Variants in PRKACA observed in about 807,000 individuals in gnomAD.
PRKACA encodes the protein cAMP-dependent protein kinase catalytic subunit alpha.
PRKACA carries 9 observed loss-of-function variants against 45.8 expected under a neutral mutation model. That is an observed-to-expected ratio of 0.20 (90% confidence interval 0.12 to 0.34). The LOEUF is 0.34. Ranked by LOEUF, PRKACA falls within the 10% of genes least tolerant of loss-of-function variation. PRKACA has a pLI of 1.00. For synonymous variants in PRKACA, 160 were observed against 178.6 expected (o/e 0.90, Z 0.83); for missense variants, 238 against 458.6 (o/e 0.52, Z 4.39).
Position 14,097,313 on chromosome 19 carries a change from G to C in PRKACA, c.765+48C>G, listed in dbSNP as rs1977287933. 6.2e-7 allele frequency: 1 copy of C among 1,612,878 alleles called. No homozygotes were observed. Among genetic ancestry groups the C allele is most frequent in the Non-Finnish European group, 8.5e-7 (1 of 1,179,204 alleles). The stretch of plus-strand genomic sequence containing the variant: ...CCCAGGGAATAGGATGGGTGAGCAG[G>C]GAACGGTCTGTTTCTTCCAGGGCTG... On this transcript the variant is annotated intron_variant, in intron 8 of 9. Coordinates refer to ENST00000308677, the MANE Select transcript of PRKACA (RefSeq NM_002730.4). The surrounding 1 kb of genome is among the most constrained non-coding windows in gnomAD (Gnocchi z 5.4).
At chr19:14,110,020 A>ACC (rs1966922843) in intron 1 of PRKACA, among the ~76,000 whole-genome samples, 1 of 128,700 alleles carries the variant, frequency 7.8e-6, no homozygotes, top group Non-Finnish European at 1.6e-5. Flanking sequence ...ACACACACAC[A>ACC]TAGGGAGAGC....
intron 1 of PRKACA, chr19:14,107,954 C>T: frequency 1.0e-6 from 1 of 986,944 alleles, no homozygotes; most frequent in Non-Finnish European, 1.2e-6. Flanking sequence ...GATGCCCACT[C>T]CTCGGCCCCA....
In PRKACA at chr19:14,117,529, C is replaced by G; in HGVS notation, c.19G>C (p.Ala7Pro). Reference sequence around the variant, plus strand: ...CTCTCCTGCTCGCTGCCCTTCTTGGCGGCGGCGGCGTTGCCCATCGCGGCG... The same window carrying G: ...CTCTCCTGCTCGCTGCCCTTCTTGGGGGCGGCGGCGTTGCCCATCGCGGCG... MGNAAA[A>P]KKGSEQESVK... Residue 7 changes from alanine to proline, a missense_variant, in exon 1 of 10, where the codon GCC (alanine) becomes CCC (proline). Ala to Pro is a conservative substitution (Grantham distance 27). Around this residue, in one of 3 missense-constraint regions of PRKACA, gnomAD observed 93 missense variants for 149.1 expected, o/e 0.62. Coordinates refer to ENST00000308677, the MANE Select transcript of PRKACA (RefSeq NM_002730.4). 4 of 1,223,960 alleles carry G rather than the reference C, an allele frequency of 3.3e-6. No individual in the cohort carries two copies. The highest frequency in any genetic ancestry group is 3.1e-6 in the Non-Finnish European group (3 of 979,494). The allele number at this position is 1,223,960 out of a possible 1,614,324, so 75.8% of individuals were successfully genotyped here. A position where few individuals can be genotyped will look rare whatever the true frequency, so the allele number is the denominator to read the frequency against.
chr19:14,107,967 G>A, intron 1 of PRKACA: 7 of 986,396 alleles, frequency 7.1e-6, no homozygotes, highest in Non-Finnish European at 7.2e-6. Context: ...CGGCCCCATG[G>A]TATCCCAAGG....
At chr19:14,113,979 C>A (rs1044107383) in intron 1 of PRKACA, among the ~76,000 whole-genome samples, 3 of 152,204 alleles carry the variant, frequency 2.0e-5, no homozygotes, top group Admixed American at 6.5e-5. Context: ...CCAGGCCGCA[C>A]AGCCCGGGGC....
chr19:14,104,860 C>T (rs568587766), intron 3 of PRKACA, among the ~76,000 whole-genome samples: 4 of 151,912 alleles, frequency 2.6e-5, no homozygotes, highest in East Asian at 1.9e-4. Flanking sequence ...GCAACAAGAG[C>T]GAAACTCCAT....
chr19:14,116,742 G>A (rs574272569), intron 1 of PRKACA, among the ~76,000 whole-genome samples: 1 of 152,174 alleles, frequency 6.6e-6, no homozygotes, highest in Non-Finnish European at 1.5e-5. Context: ...TGGAAGCACT[G>A]AAGCAATTCT....
At chr19:14,096,031 A>ATTTTTT (rs1977240515) in intron 8 of PRKACA, among the ~76,000 whole-genome samples, 1 of 108,922 alleles carries the variant, frequency 9.2e-6, no homozygotes, top group Non-Finnish European at 1.9e-5. Flanking sequence ...GCTAATTTTT[A>ATTTTTT]GTTTTTTTTT....
chr19:14,096,981 T>C (rs534630719), intron 8 of PRKACA: 2 of 345,986 alleles, frequency 5.8e-6, no homozygotes, highest in African/African-American at 4.3e-5. Flanking sequence ...TGGGTGAGGC[T>C]ATGGACAGCA....
intron 1 of PRKACA, among the ~76,000 whole-genome samples, chr19:14,113,306 C>T (rs1359635696): frequency 6.6e-6 from 1 of 152,142 alleles, no homozygotes; most frequent in Non-Finnish European, 1.5e-5. Context: ...GTGTGCCCGG[C>T]ATCCAGGACC....
chr19:14,115,739 C>G (rs1229154231), intron 1 of PRKACA, among the ~76,000 whole-genome samples: 1 of 152,146 alleles, frequency 6.6e-6, no homozygotes. Flanking sequence ...CCCCCCACCA[C>G]ATGTGTCTGA....
At chr19:14,102,295 C>T (rs374729356) in intron 4 of PRKACA, among the ~76,000 whole-genome samples, 1 of 152,262 alleles carries the variant, frequency 6.6e-6, no homozygotes, top group East Asian at 1.9e-4. Context: ...CCTGAGTGGC[C>T]TTTCCTGTTT....
chr19:14,110,435 G>T (rs1966933740), intron 1 of PRKACA, among the ~76,000 whole-genome samples: 1 of 151,962 alleles, frequency 6.6e-6, no homozygotes, highest in Admixed American at 6.6e-5. Flanking sequence ...AGCCAGGTGT[G>T]GTGGTATGCA....
Position 14,097,166 on chromosome 19 carries a change from G to A in PRKACA, c.765+195C>T, listed in dbSNP as rs1977284303. The A allele has an allele frequency of 7.8e-6, 6 of 770,910 alleles. No homozygotes were observed. Among genetic ancestry groups the A allele is most frequent in the Admixed American group, 5.2e-5 (2 of 38,102 alleles). The allele number at this position is 770,910 out of a possible 1,614,324, so 47.8% of individuals were successfully genotyped here. A position where few individuals can be genotyped will look rare whatever the true frequency, so the allele number is the denominator to read the frequency against. On this transcript the variant is annotated intron_variant, in intron 8 of 9. Coordinates refer to ENST00000308677, the MANE Select transcript of PRKACA (RefSeq NM_002730.4). The surrounding 1 kb of genome is among the most constrained non-coding windows in gnomAD (Gnocchi z 5.4). ...GAAGCCCATGGGATTCTGGAACCGC[G>A]GGGTTGGGGCTGGACAGCAAGGGGG...
rs1246232329 is a variant in PRKACA, at chr19:14,092,553, A to G, written c.*559T>C. 3 of 398,630 alleles carry G rather than the reference A, an allele frequency of 7.5e-6. No individual in the cohort carries two copies. Among genetic ancestry groups the G allele is most frequent in the Non-Finnish European group, 8.9e-6 (2 of 225,874 alleles). 24.7% of individuals were successfully genotyped at this position (398,630 alleles called of 1,614,324 possible). On this transcript the variant is annotated 3_prime_UTR_variant, in exon 10 of 10. Transcript: ENST00000308677. ...GGAGGGAGGCACTGGTGGAACTTAA[A>G]TAAGATTTTAAATTGTTGTTTTTTT... is the stretch of plus-strand genomic sequence containing the variant.
At position 14,102,166 on chromosome 19, in the gene PRKACA, C is replaced by A. The variant is rs981505748; in HGVS notation, c.336+650G>T. Among the ~76,000 whole-genome samples the A allele has an allele frequency of 4.9e-4, 73 of 149,900 alleles. 1 individual carries two copies. The East Asian group carries it at 6.9e-3, about 14-fold the overall frequency. ...GCAACAGAGTGAGACTCTGTCTCAA[C>A]AAAAAAAAATTATTACGGATCTCAA... On this transcript the variant is annotated intron_variant, in intron 4 of 9. Transcript: ENST00000308677.
At chr19:14,100,125 GA>G (rs1977400384) in intron 5 of PRKACA, among the ~76,000 whole-genome samples, 2 of 151,812 alleles carry the variant, frequency 1.3e-5, no homozygotes, top group East Asian at 3.9e-4. Flanking sequence ...TTACAGGCAC[GA>G]GCCACTGCGC....
At chr19:14,106,051 C>T (rs1977594339) in intron 3 of PRKACA, among the ~76,000 whole-genome samples, 1 of 151,956 alleles carries the variant, frequency 6.6e-6, no homozygotes, top group South Asian at 2.1e-4. Flanking sequence ...ATTATGGGGG[C>T]TCGGGGAATA....
chr19:14,115,877 C>G (rs1442349281), intron 1 of PRKACA, among the ~76,000 whole-genome samples: 1 of 152,116 alleles, frequency 6.6e-6, no homozygotes. Flanking sequence ...ACTCCTCCCC[C>G]CCCGGCCAAG....
Sources: gnomAD v4.1 joint callset for allele counts (sites outside exome capture counted in the v4.1 genomes callset) on GRCh38, gnomAD v4.1.1 for gene constraint, gnomAD v4.1.1 regional missense constraint, Gnocchi (gnomAD v3.1) non-coding constraint, MANE v1.5 for transcripts, NCBI Gene and HGNC (gene_info 2026-07-23, HGNC 2026-07-21) for gene names.